The following NUMBL variants were observed in gnomAD, a reference collection of about 807,000 sequenced individuals.
NUMBL encodes NUMB like endocytic adaptor protein, also known as numb-like protein.
A neutral mutation model predicts 48.9 loss-of-function variants in NUMBL; 20 were observed. The observed-to-expected ratio is 0.41, with a 90% CI of 0.29 to 0.59. NUMBL has a LOEUF of 0.59. Among genes scored for constraint, NUMBL ranks in the 20% least tolerant of loss-of-function variants. The pLI, the probability that NUMBL is intolerant of heterozygous loss-of-function variation, is 0.31. For synonymous variants in NUMBL, 340 were observed against 348.7 expected (o/e 0.98, Z 0.28); for missense variants, 660 against 846.2 (o/e 0.78, Z 2.73).
intron 7 of NUMBL, 116 bp downstream of exon 7, chr19:40,677,116 A>C (rs1284290116): frequency 1.7e-5 from 20 of 1,150,766 alleles, no homozygotes; most frequent in Non-Finnish European, 1.2e-6. Flanking sequence ...GCTTGGCCTG[A>C]AGCATCCCCT....
Position 40,690,601 on chromosome 19 carries a change from G to C in NUMBL, c.-118C>G. On this transcript the variant is annotated 5_prime_UTR_variant, in exon 1 of 10. Transcript: ENST00000252891. Reference sequence around the variant, plus strand: ...GACGCCGGCCAGGGCCCGGGGCCGGGGGATGGTGCGGGATGCACGCGCGCG... The same window carrying C: ...GACGCCGGCCAGGGCCCGGGGCCGGCGGATGGTGCGGGATGCACGCGCGCG... 2.1e-6 allele frequency: 1 copy of C among 476,696 alleles called. No individual in the cohort carries two copies. The highest frequency in any genetic ancestry group is 3.3e-6 in the Non-Finnish European group (1 of 306,770). 29.5% of individuals were successfully genotyped at this position (476,696 alleles called of 1,614,324 possible).
In NUMBL at chr19:40,667,603, C is replaced by T; in HGVS notation, c.1695G>A (p.Glu565=). 1.9e-6 allele frequency: 3 copies of T among 1,554,904 alleles called. No individual in the cohort carries two copies. Among genetic ancestry groups the T allele is most frequent in the Non-Finnish European group, 2.6e-6 (3 of 1,149,268 alleles). ...ACTCTGGAGCTGGGGCAGGCGCTGG[C>T]TCAGGGGGCCAGGGGGCCCCATTGG... is the stretch of plus-strand genomic sequence containing the variant. The part of the protein sequence containing the change: ...PRPNGAPWPP[E]PAPAPAPELD... Residue 565 remains glutamate (E), a synonymous_variant, in exon 10 of 10, where the codon GAG becomes GAA. Transcript: ENST00000252891. This position sits in a 1 kb window ranked among gnomAD's most constrained non-coding sequence, Gnocchi z 6.1.
rs897877069 is a variant in NUMBL, at chr19:40,677,433, G to A, written c.541-12C>T. The A allele has an allele frequency of 6.2e-7, 1 of 1,603,472 alleles. No homozygotes were observed. Among genetic ancestry groups the A allele is most frequent in the Non-Finnish European group, 8.5e-7 (1 of 1,178,238 alleles). On this transcript the variant is annotated splice_polypyrimidine_tract_variant and intron_variant, in intron 6 of 9. Transcript: ENST00000252891. ...CTCAGCCTCTCGCCCTATGGGGAGA[G>A]GATGGGCGGGGGGGTTAGAGGCGCT...
At chr19:40,683,922 T>C (rs1417113012) in intron 3 of NUMBL, among the ~76,000 whole-genome samples, 1 of 151,428 alleles carries the variant, frequency 6.6e-6, no homozygotes, top group East Asian at 1.9e-4. Context: ...GGACTACAGG[T>C]GCGTGCCACT....
Position 40,667,000 on chromosome 19 carries a change from G to C in NUMBL, c.*468C>G, listed in dbSNP as rs1222035785. 5.1e-6 allele frequency: 1 copy of C among 195,234 alleles called. No homozygotes were observed. The highest frequency in any genetic ancestry group is 1.1e-5 in the Non-Finnish European group (1 of 93,908). The allele number at this position is 195,234 out of a possible 1,614,324, so 12.1% of individuals were successfully genotyped here. A position where few individuals can be genotyped will look rare whatever the true frequency, so the allele number is the denominator to read the frequency against. Reference sequence around the variant, plus strand: ...GCAGTGAACGCAGCGTGTGGGCAGAGGGCAGCCCTTAGCTTGTGCTGTGCA... The same window carrying C: ...GCAGTGAACGCAGCGTGTGGGCAGACGGCAGCCCTTAGCTTGTGCTGTGCA... On this transcript the variant is annotated 3_prime_UTR_variant, in exon 10 of 10. Coordinates refer to ENST00000252891, the MANE Select transcript of NUMBL (RefSeq NM_004756.5).
Position 40,687,887 on chromosome 19 carries a change from G to A in NUMBL, c.25-892C>T, listed in dbSNP as rs2144669525. ...ACCACATGCAGCCTCAACCAGACCA[G>A]TCACACCAACACACTGTTTTTGGCC... On this transcript the variant is annotated intron_variant, in intron 1 of 9. Coordinates refer to ENST00000252891, the MANE Select transcript of NUMBL (RefSeq NM_004756.5). This position sits in a 1 kb window ranked among gnomAD's most constrained non-coding sequence, Gnocchi z 4.6. Among the ~76,000 whole-genome samples, 1 of 152,314 alleles carries A rather than the reference G, an allele frequency of 6.6e-6. No individual in the cohort carries two copies. Among genetic ancestry groups the A allele is most frequent in the Non-Finnish European group, 1.5e-5 (1 of 68,024 alleles).
Position 40,684,441 on chromosome 19 carries a change from C to T in NUMBL, c.225G>A (p.Lys75=). Residue 75 remains lysine, a synonymous_variant, in exon 3 of 10, where the codon AAG becomes AAA. Coordinates refer to ENST00000252891, the MANE Select transcript of NUMBL (RefSeq NM_004756.5). ...CCCTGACCGGGAAGCTGCACGTGCCCTTCCGCACCGCGTCCTCGTCTGCCT... is the reference window on the plus strand; with the variant it reads ...CCCTGACCGGGAAGCTGCACGTGCCTTTCCGCACCGCGTCCTCGTCTGCCT... ...QWQADEDAVR[K]GTCSFPVRYL... is the part of the protein sequence containing the mutation. 3.2e-6 allele frequency: 5 copies of T among 1,575,770 alleles called. No individual in the cohort carries two copies. The highest frequency in any genetic ancestry group is 4.3e-6 in the Non-Finnish European group (5 of 1,163,928).
chr19:40,668,137 C>T lies in NUMBL; in HGVS notation c.1161G>A (p.Gly387=). Residue 387 remains glycine (G), a splice_region_variant and synonymous_variant, in exon 10 of 10, where the codon GGG becomes GGA. Transcript: ENST00000252891. ...PAPGPPPATT[G]TSAWGEPSVP... Reference sequence around the variant, plus strand: ...CGGAGGGCTCACCCCAGGCAGAAGTCCCTGGAGAGAGGAGAGGGACAGGTG... The same window carrying T: ...CGGAGGGCTCACCCCAGGCAGAAGTTCCTGGAGAGAGGAGAGGGACAGGTG... The T allele has an allele frequency of 6.3e-7, 1 of 1,592,704 alleles. No individual in the cohort carries two copies. The highest frequency in any genetic ancestry group is 8.6e-7 in the Non-Finnish European group (1 of 1,168,568).
chr19:40,675,522 T>A (rs201813969), intron 7 of NUMBL, among the ~76,000 whole-genome samples: 4 of 131,978 alleles, frequency 3.0e-5, no homozygotes, highest in African/African-American at 5.8e-5. Flanking sequence ...ATTAATTAAT[T>A]AATAAATAAA....
At chr19:40,685,121 CCA>C (rs1431380373) in intron 2 of NUMBL, 3 of 155,986 alleles carry the variant, frequency 1.9e-5, no homozygotes, top group African/African-American at 7.2e-5. Flanking sequence ...TGAGACACAG[CCA>C]TTCTGTGACA....
rs1383397244 is a variant in NUMBL at position 40,666,174 on chromosome 19, G to A, written c.*1294C>T. The A allele has an allele frequency of 1.5e-5, 2 of 135,986 alleles. No individual in the cohort carries two copies. The highest frequency in any genetic ancestry group is 2.8e-5 in the African/African-American group (1 of 35,182). 8.4% of individuals were successfully genotyped at this position (135,986 alleles called of 1,614,324 possible). A position where few individuals can be genotyped will look rare whatever the true frequency, so the allele number is the denominator to read the frequency against. On this transcript the variant is annotated 3_prime_UTR_variant, in exon 10 of 10. Coordinates refer to ENST00000252891, the MANE Select transcript of NUMBL (RefSeq NM_004756.5). Reference sequence around the variant, plus strand: ...TTTTGTTTTTTTTTTTTGAGACAGAGTCTCATTCTGTTGCCCAGGCAGGAG... The same window carrying A: ...TTTTGTTTTTTTTTTTTGAGACAGAATCTCATTCTGTTGCCCAGGCAGGAG...
rs144933018 is a variant in NUMBL, at chr19:40,681,070, G to C, written c.400-13C>G. On this transcript the variant is annotated splice_polypyrimidine_tract_variant and intron_variant, in intron 5 of 9. Transcript: ENST00000252891. The stretch of plus-strand genomic sequence containing the variant: ...CGACCAGAAGATCCTAGGAGGGGCC[G>C]GGGAGGCCAGGAGAAGAGTGTGAAC... The C allele has an allele frequency of 0.016, 25,691 of 1,613,076 alleles. 237 individuals carry two copies. Among genetic ancestry groups the C allele is most frequent in the Non-Finnish European group, 0.018 (21,811 of 1,179,272 alleles).
In NUMBL at chr19:40,673,778, T is replaced by A; in HGVS notation, c.731-129A>T. The A allele has an allele frequency of 1.1e-6, 1 of 875,022 alleles. No individual in the cohort carries two copies. Among genetic ancestry groups the A allele is most frequent in the Non-Finnish European group, 1.7e-6 (1 of 595,894 alleles). 54.2% of individuals were successfully genotyped at this position (875,022 alleles called of 1,614,324 possible). ...AGTGAGTCCTGCCCTTAAGACAAGC[T>A]AGTCAAAGCCCTGAGATATCCCTCA... On this transcript the variant is annotated intron_variant, in intron 7 of 9. Coordinates refer to ENST00000252891, the MANE Select transcript of NUMBL (RefSeq NM_004756.5). The surrounding 1 kb of genome is among the most constrained non-coding windows in gnomAD (Gnocchi z 5.9).
intron 1 of NUMBL, chr19:40,689,664 C>G (rs117884849): frequency 6.6e-6 from 1 of 152,416 alleles, no homozygotes; most frequent in Admixed American, 6.5e-5. Context: ...TATCCTGGAG[C>G]CTGAGGGCCA....
At chr19:40,683,900 T>TGCGA (rs1379335821) in intron 3 of NUMBL, among the ~76,000 whole-genome samples, 1 of 151,206 alleles carries the variant, frequency 6.6e-6, no homozygotes, top group East Asian at 2.0e-4. Context: ...ACCTCAGCCT[T>TGCGA]GTGAGTAGCT....
intron 6 of NUMBL, among the ~76,000 whole-genome samples, chr19:40,679,887 T>G (rs1193871180): frequency 6.6e-6 from 1 of 152,124 alleles, no homozygotes; most frequent in Non-Finnish European, 1.5e-5. Flanking sequence ...GTTTCAGGAC[T>G]GCTAAAGTCA....
At position 40,682,857 on chromosome 19, in the gene NUMBL, A is replaced by G. The variant is rs1310006511; in HGVS notation, c.324+37T>C. 6.2e-7 allele frequency: 1 copy of G among 1,613,682 alleles called. No individual in the cohort carries two copies. Among genetic ancestry groups the G allele is most frequent in the Non-Finnish European group, 8.5e-7 (1 of 1,179,892 alleles). ...GGGTCAGGGTGCCTCTCCCTGTCTGACCTTGCCCCCTCCCTCATGGCAGCC... is the reference window on the plus strand; with the variant it reads ...GGGTCAGGGTGCCTCTCCCTGTCTGGCCTTGCCCCCTCCCTCATGGCAGCC... On this transcript the variant is annotated intron_variant, in intron 4 of 9. Coordinates refer to ENST00000252891, the MANE Select transcript of NUMBL (RefSeq NM_004756.5). The surrounding 1 kb of genome is among the most constrained non-coding windows in gnomAD (Gnocchi z 4.0).
At position 40,682,914 on chromosome 19, in the gene NUMBL, C is replaced by T; in HGVS notation, c.304G>A (p.Ala102Thr). The T allele has an allele frequency of 6.2e-7, 1 of 1,613,992 alleles. No individual in the cohort carries two copies. The highest frequency in any genetic ancestry group is 8.5e-7 in the Non-Finnish European group (1 of 1,180,002). ...CTCACCGCCTTCAGCTTCTTCACCG[C>T]ATCTTCACACACGTGCATTCCCCGG... ...ESRGMHVCED[A>T]VKKLKAMGRK... Residue 102 changes from alanine to threonine, a missense_variant, in exon 4 of 10, where the codon GCG becomes ACG. Physicochemically the swap from Ala to Thr is moderately conservative, Grantham distance 58. This residue lies in a region of NUMBL where 278 missense variants were observed against 420.6 expected (regional missense o/e 0.66). Coordinates refer to ENST00000252891, the MANE Select transcript of NUMBL (RefSeq NM_004756.5). This position sits in a 1 kb window ranked among gnomAD's most constrained non-coding sequence, Gnocchi z 4.0.
In NUMBL at chr19:40,686,946, G is replaced by A. The variant is rs1311744185; in HGVS notation, c.74C>T (p.Ala25Val). 6.5e-7 allele frequency: 1 copy of A among 1,544,758 alleles called. No homozygotes were observed. The highest frequency in any genetic ancestry group is 2.0e-5 in the Admixed American group (1 of 49,626). ...ERHLPPAPCG[A>V]PGPPETCRTE... ...CCTGCAGGTTTCTGGGGGCCCCGGG[G>A]CCCCACAGGGGGCTGGGGGCAGGTG... The change falls in exon 2 of 10, where the codon GCC (alanine) becomes GTC (valine). Residue 25 changes from alanine (A) to valine (V), a missense_variant. Ala to Val is a moderately conservative substitution (Grantham distance 64). This residue lies in a region of NUMBL where 86 missense variants were observed against 85.9 expected (regional missense o/e 1.00). Transcript: ENST00000252891.
Sources: gnomAD v4.1 joint callset for allele counts (sites outside exome capture counted in the v4.1 genomes callset) on GRCh38, gnomAD v4.1.1 for gene constraint, gnomAD v4.1.1 regional missense constraint, Gnocchi (gnomAD v3.1) non-coding constraint, MANE v1.5 for transcripts, NCBI Gene and HGNC (gene_info 2026-07-23, HGNC 2026-07-21) for gene names.